The following UBXN2A variants were observed in gnomAD, a reference collection of about 807,000 sequenced individuals.
The protein encoded by UBXN2A is UBX domain-containing protein 2A.
UBXN2A carries 28 observed loss-of-function variants against 28.4 expected under a neutral mutation model. That is an observed-to-expected ratio of 0.99 (90% confidence interval 0.73 to 1.35). The LOEUF is 1.35. Ranked by LOEUF, UBXN2A falls within the 40% of genes most tolerant of loss-of-function variation. The pLI, the probability that UBXN2A is intolerant of heterozygous loss-of-function variation, is 0.00. For missense variants in UBXN2A, 253 were observed against 297.9 expected, an observed-to-expected ratio of 0.85 and a Z score of 1.11; for synonymous variants, 97 against 103.6, an observed-to-expected ratio of 0.94 and a Z score of 0.39.
intron 4 of UBXN2A, among the ~76,000 whole-genome samples, chr2:23,980,077 G>A (rs1471858158): frequency 1.3e-5 from 2 of 151,736 alleles, no homozygotes; most frequent in African/African-American, 2.4e-5. Flanking sequence ...TGAAAAAGCC[G>A]AATATATTGC....
intron 6 of UBXN2A, 82 bp from the exon 7 acceptor site, chr2:23,999,590 T>C: frequency 7.1e-7 from 1 of 1,411,298 alleles, no homozygotes; most frequent in Non-Finnish European, 9.7e-7. Flanking sequence ...CATATCCAGA[T>C]ACTTTTACCA....
At chr2:23,935,088 A>C (rs868299887) in intron 1 of UBXN2A, among the ~76,000 whole-genome samples, 1 of 152,196 alleles carries the variant, frequency 6.6e-6, no homozygotes, top group African/African-American at 2.4e-5. Flanking sequence ...AAAACAAGCA[A>C]AAAAATGGAG....
upstream of UBXN2A, chr2:23,939,530 C>T (rs1384076042): frequency 6.6e-6 from 1 of 152,594 alleles, no homozygotes; most frequent in African/African-American, 2.4e-5. Context: ...TGGGGTCCGT[C>T]TATTTTCAGG....
intron 2 of UBXN2A, among the ~76,000 whole-genome samples, chr2:23,966,750 CTTTTTTTTTTT>C (rs70944704): frequency 1.3e-5 from 1 of 76,676 alleles, no homozygotes; most frequent in Non-Finnish European, 2.4e-5. Context: ...CGCGCCCGGC[CTTTTTTTTTTT>C]TTTTTTTTTT....
intron 1 of UBXN2A, among the ~76,000 whole-genome samples, chr2:23,931,609 A>G (rs1234137903): frequency 6.6e-6 from 1 of 152,238 alleles, no homozygotes; most frequent in Non-Finnish European, 1.5e-5. Flanking sequence ...TGCTCAGATC[A>G]AAAGCTAAGT....
chr2:23,949,116 C>CTTTTTTTTTTTTT (rs1223944833), intron 1 of UBXN2A, among the ~76,000 whole-genome samples: 157 of 127,042 alleles, frequency 1.2e-3, no homozygotes, highest in African/African-American at 1.9e-3. Flanking sequence ...ATTTTTTTTT[C>CTTTTTTTTTTTTT]TTTTTTTTTT....
At position 24,003,285 on chromosome 2, in the gene UBXN2A, C is replaced by A. The variant is rs1305765864; in HGVS notation, c.*3418C>A. 2 of 152,210 alleles carry A rather than the reference C, an allele frequency of 1.3e-5. No individual in the cohort carries two copies. The highest frequency in any genetic ancestry group is 6.5e-5 in the Admixed American group (1 of 15,268). 9.4% of individuals were successfully genotyped at this position (152,210 alleles called of 1,614,324 possible). ...ACTCCACTGAAACACATCTGCTAGA[C>A]CACTAAGTTTATCCTTGTCACCCAG... On this transcript the variant is annotated 3_prime_UTR_variant, in exon 7 of 7. Coordinates refer to ENST00000309033, the MANE Select transcript of UBXN2A (RefSeq NM_181713.4).
intron 1 of UBXN2A, among the ~76,000 whole-genome samples, chr2:23,951,967 C>CTTTTTTTT (rs901333812): frequency 7.6e-6 from 1 of 132,358 alleles, no homozygotes; most frequent in African/African-American, 2.8e-5. Context: ...AGTTTTTTTC[C>CTTTTTTTT]TTTTTTTTTT....
intron 1 of UBXN2A, among the ~76,000 whole-genome samples, chr2:23,942,128 A>G (rs1317938793): frequency 1.3e-5 from 2 of 152,194 alleles, no homozygotes; most frequent in Non-Finnish European, 1.5e-5. Flanking sequence ...CCAATAAGCA[A>G]AGACAGAGGC....
intron 1 of UBXN2A, among the ~76,000 whole-genome samples, chr2:23,948,150 G>A (rs569569133): frequency 1.5e-4 from 22 of 149,958 alleles, no homozygotes; most frequent in Non-Finnish European, 1.8e-4. Context: ...CAACTGTGCC[G>A]GGCTTTTAAA....
chr2:23,935,103 C>T (rs1376247513), intron 1 of UBXN2A, among the ~76,000 whole-genome samples: 4 of 151,996 alleles, frequency 2.6e-5, no homozygotes. Flanking sequence ...ATGGAGCAAA[C>T]ACCTAAATGT....
chr2:23,981,151 A>T (rs1707877261), intron 4 of UBXN2A, among the ~76,000 whole-genome samples: 1 of 152,130 alleles, frequency 6.6e-6, no homozygotes, highest in African/African-American at 2.4e-5. Context: ...TTCTTATTGA[A>T]GTATGGCTTA....
intron 6 of UBXN2A, among the ~76,000 whole-genome samples, chr2:23,989,262 G>A (rs983770359): frequency 1.1e-4 from 16 of 151,090 alleles, no homozygotes; most frequent in Admixed American, 9.2e-4. Flanking sequence ...GTGTGTGTGT[G>A]TGTATGTATA....
rs368911450 is a variant in UBXN2A, at chr2:23,973,700, T to C, written c.180+2286T>C. Among the ~76,000 whole-genome samples, 1,100 of 151,104 alleles carry C rather than the reference T, an allele frequency of 7.3e-3. 11 individuals are homozygous for C. Among genetic ancestry groups the C allele is most frequent in the African/African-American group, 0.026 (1,059 of 41,114 alleles). ...CTCAGGCTGGAGTGCAGTGGCACAA[T>C]TGGCTCACTGCAACCTCTGCCTTCT... On this transcript the variant is annotated intron_variant, in intron 3 of 6. Coordinates refer to ENST00000309033, the MANE Select transcript of UBXN2A (RefSeq NM_181713.4).
chr2:23,935,607 A>G (rs1705500516), upstream of UBXN2A, among the ~76,000 whole-genome samples: 1 of 152,190 alleles, frequency 6.6e-6, no homozygotes, highest in African/African-American at 2.4e-5. Flanking sequence ...AGAGAAAATA[A>G]CAAGTGTTGG....
At chr2:23,951,921 G>C (rs1706391173) in intron 1 of UBXN2A, among the ~76,000 whole-genome samples, 1 of 151,228 alleles carries the variant, frequency 6.6e-6, no homozygotes, top group Non-Finnish European at 1.5e-5. Context: ...AATCTTATGA[G>C]AAAACGTTAA....
At chr2:23,941,403 CAATTA>C (rs1705750227) in intron 1 of UBXN2A, among the ~76,000 whole-genome samples, 1 of 152,134 alleles carries the variant, frequency 6.6e-6, no homozygotes, top group Non-Finnish European at 1.5e-5. Flanking sequence ...ATTTAAAAGG[CAATTA>C]AATTCAGTGA....
chr2:23,953,240 T>A (rs1706459524), intron 1 of UBXN2A, among the ~76,000 whole-genome samples: 1 of 152,206 alleles, frequency 6.6e-6, no homozygotes. Context: ...ATTTTTAGGG[T>A]AGAGTTTTTC....
At chr2:23,967,076 A>G (rs1183908782) in intron 2 of UBXN2A, among the ~76,000 whole-genome samples, 2 of 151,644 alleles carry the variant, frequency 1.3e-5, no homozygotes, top group African/African-American at 4.8e-5. Context: ...TATTGTAACT[A>G]TTTCCTACGA....
Sources: allele counts gnomAD v4.1 joint callset (sites outside exome capture counted in the v4.1 genomes callset), GRCh38; gene constraint gnomAD v4.1.1; transcripts MANE v1.5; gene names NCBI Gene and HGNC (gene_info 2026-07-23, HGNC 2026-07-21).